AGBL1: variants seen among roughly 807,000 people sequenced by gnomAD.
AGBL1 encodes AGBL carboxypeptidase 1.
A neutral mutation model predicts 118.9 loss-of-function variants in AGBL1; 130 were observed. The observed-to-expected ratio is 1.09, with a 90% CI of 0.95 to 1.26. The LOEUF is 1.26. Among genes scored for constraint, AGBL1 ranks in the 50% most tolerant of loss-of-function variants. AGBL1 has a pLI of 0.00. For synonymous variants in AGBL1, 555 were observed against 478.9 expected (o/e 1.16, Z -2.08); for missense variants, 1,584 against 1,298.1 (o/e 1.22, Z -3.38).
At chr15:86,611,205 G>A (rs2084649263) in intron 21 of AGBL1, among the ~76,000 whole-genome samples, 1 of 152,172 alleles carries the variant, frequency 6.6e-6, no homozygotes, top group Admixed American at 6.5e-5. Flanking sequence ...GTGTGTGGAT[G>A]AACAAAGAAA....
At chr15:86,132,099 T>C (rs1003202733) in intron 1 of AGBL1, among the ~76,000 whole-genome samples, 1 of 151,824 alleles carries the variant, frequency 6.6e-6, no homozygotes, top group African/African-American at 2.4e-5. Context: ...CTTTAAAGAG[T>C]ACCCGAGTAG....
chr15:87,014,126 T>C (rs1347754299), intron 24 of AGBL1, among the ~76,000 whole-genome samples: 1 of 152,212 alleles, frequency 6.6e-6, no homozygotes, highest in Non-Finnish European at 1.5e-5. Context: ...GGCTGACAGT[T>C]GTGATATGAA....
intron 5 of AGBL1, among the ~76,000 whole-genome samples, chr15:86,202,641 G>A (rs1416974126): frequency 2.0e-5 from 3 of 152,120 alleles, no homozygotes; most frequent in African/African-American, 7.2e-5. Flanking sequence ...TATGTTGGGG[G>A]TAATGTTTTA....
chr15:86,725,908 T>C (rs1473799509), intron 22 of AGBL1, among the ~76,000 whole-genome samples: 3 of 152,184 alleles, frequency 2.0e-5, no homozygotes, highest in Admixed American at 6.5e-5. Flanking sequence ...TACTGGACTA[T>C]GAGTTCTTAA....
intron 21 of AGBL1, among the ~76,000 whole-genome samples, chr15:86,637,526 C>A (rs547880601): frequency 6.6e-6 from 1 of 152,074 alleles, no homozygotes; most frequent in Admixed American, 6.6e-5. Context: ...AACTTAAAGG[C>A]GTGTTAATGA....
At chr15:86,214,807 G>T (rs2078158151) in intron 5 of AGBL1, among the ~76,000 whole-genome samples, 2 of 152,346 alleles carry the variant, frequency 1.3e-5, no homozygotes, top group Non-Finnish European at 2.9e-5. Context: ...AGCCTCGATT[G>T]TGGTGCTCTG....
chr15:87,004,387 A>C (rs1433806026), intron 24 of AGBL1, among the ~76,000 whole-genome samples: 1 of 152,122 alleles, frequency 6.6e-6, no homozygotes, highest in Admixed American at 6.6e-5. Context: ...GTGGGTGCAT[A>C]TATATTTAGG....
chr15:86,799,468 C>T (rs866251690), intron 22 of AGBL1, among the ~76,000 whole-genome samples: 3 of 152,128 alleles, frequency 2.0e-5, no homozygotes, highest in Non-Finnish European at 4.4e-5. Context: ...GTAACATTCT[C>T]TTCTTTACAT....
intron 5 of AGBL1, among the ~76,000 whole-genome samples, chr15:86,191,369 A>AAAAAG (rs1247744212): frequency 4.3e-4 from 63 of 145,104 alleles, no homozygotes; most frequent in African/African-American, 1.5e-3. Flanking sequence ...AAAAAAAAAA[A>AAAAAG]AGAGAGAGAG....
chr15:86,874,544 G>T (rs1203235506), intron 22 of AGBL1, among the ~76,000 whole-genome samples: 1 of 152,124 alleles, frequency 6.6e-6, no homozygotes, highest in African/African-American at 2.4e-5. Flanking sequence ...AGGAGTACCA[G>T]AGTGGGTACC....
intron 22 of AGBL1, among the ~76,000 whole-genome samples, chr15:86,893,087 T>A (rs1596600988): frequency 6.6e-6 from 1 of 152,224 alleles, no homozygotes; most frequent in Middle Eastern, 3.4e-3. Context: ...ACCCAGGGAA[T>A]TCAGAGTTGC....
intron 5 of AGBL1, among the ~76,000 whole-genome samples, chr15:86,160,820 T>C (rs1272977916): frequency 6.6e-6 from 1 of 152,146 alleles, no homozygotes; most frequent in African/African-American, 2.4e-5. Context: ...TACCATGTTG[T>C]TTGGAAGGCT....
At chr15:86,680,565 CTTTTTTTTTTT>C (rs34873609) in intron 22 of AGBL1, among the ~76,000 whole-genome samples, 1 of 94,682 alleles carries the variant, frequency 1.1e-5, no homozygotes, top group Non-Finnish European at 2.0e-5. Flanking sequence ...TCTTTCTTTT[CTTTTTTTTTTT>C]TTTTTTTTTG....
chr15:86,643,410 A>T (rs775563627), intron 21 of AGBL1, among the ~76,000 whole-genome samples: 1 of 152,146 alleles, frequency 6.6e-6, no homozygotes, highest in East Asian at 1.9e-4. Flanking sequence ...TTAATCTCCT[A>T]TATGCCCCTA....
At chr15:86,662,326 C>T (rs958544979) in intron 21 of AGBL1, among the ~76,000 whole-genome samples, 1 of 152,222 alleles carries the variant, frequency 6.6e-6, no homozygotes, top group African/African-American at 2.4e-5. Context: ...AAGGCATGTG[C>T]ACTTTATATC....
At chr15:87,019,153 CTAA>C (rs1448264076) in intron 24 of AGBL1, among the ~76,000 whole-genome samples, 1 of 152,066 alleles carries the variant, frequency 6.6e-6, no homozygotes, top group East Asian at 1.9e-4. Context: ...AAGACTTAGA[CTAA>C]CACACAAAAA....
chr15:86,828,428 A>G (rs958535292), intron 22 of AGBL1, among the ~76,000 whole-genome samples: 2 of 152,146 alleles, frequency 1.3e-5, no homozygotes, highest in African/African-American at 2.4e-5. Context: ...GAATTATCCC[A>G]GTGGGCTGGA....
At chr15:86,320,254 GTTAT>G (rs1380817383) in intron 17 of AGBL1, among the ~76,000 whole-genome samples, 1 of 151,782 alleles carries the variant, frequency 6.6e-6, no homozygotes, top group African/African-American at 2.4e-5. Flanking sequence ...TTGAGAACAT[GTTAT>G]TTCACCATTA....
intron 22 of AGBL1, among the ~76,000 whole-genome samples, chr15:86,700,683 C>G (rs375768148): frequency 6.6e-6 from 1 of 152,134 alleles, no homozygotes; most frequent in East Asian, 1.9e-4. Context: ...ACTAAAGATA[C>G]AGGCAAGGAT....
Sources: allele counts gnomAD v4.1 joint callset (sites outside exome capture counted in the v4.1 genomes callset), GRCh38; gene constraint gnomAD v4.1.1; transcripts MANE v1.5; gene names NCBI Gene and HGNC (gene_info 2026-07-23, HGNC 2026-07-21).